The following NKAIN3 variants were observed in gnomAD, a reference collection of about 807,000 sequenced individuals.
NKAIN3 encodes sodium/potassium transporting ATPase interacting 3, also known as sodium/potassium-transporting ATPase subunit beta-1-interacting protein 3.
In NKAIN3, 25 loss-of-function variants were observed where a neutral mutation model predicts 30.2. The observed-to-expected ratio is 0.83, with a 90% CI of 0.60 to 1.16. The LOEUF is 1.16. NKAIN3 is among the 50% of genes most tolerant of loss of function. The probability of loss-of-function intolerance (pLI) is 0.00; values close to 1 mark genes in which losing one functional copy is unlikely to be tolerated. For missense variants in NKAIN3, 225 were observed against 254.1 expected (o/e 0.89, Z 0.78); for synonymous variants, 91 against 89.6 (o/e 1.02, Z -0.09).
At chr8:62,383,865 C>T (rs1219222796) in intron 1 of NKAIN3, among the ~76,000 whole-genome samples, 2 of 146,378 alleles carry the variant, frequency 1.4e-5, no homozygotes. Context: ...GCTACAGTGA[C>T]AATTTCATGA....
In NKAIN3 at chr8:62,981,152, G is replaced by C. The variant is rs1223440432; in HGVS notation, c.*15745G>C. ...CTTTCCTCATTTGTTCAGTGCTCAT[G>C]GCCATCTACAACCTTCCTTGATTCT... On this transcript the variant is annotated 3_prime_UTR_variant, in exon 7 of 7. Coordinates refer to ENST00000623646, the MANE Select transcript of NKAIN3 (RefSeq NM_001304533.3). 6.6e-6 allele frequency: 1 copy of C among 152,116 alleles called. No individual in the cohort carries two copies. Among genetic ancestry groups the C allele is most frequent in the Non-Finnish European group, 1.5e-5 (1 of 68,020 alleles). The allele number at this position is 152,116 out of a possible 1,614,324, so 9.4% of individuals were successfully genotyped here.
chr8:62,519,211 A>T (rs1432942628), intron 1 of NKAIN3, among the ~76,000 whole-genome samples: 1 of 152,150 alleles, frequency 6.6e-6, no homozygotes, highest in Non-Finnish European at 1.5e-5. Flanking sequence ...CTTGTATTTC[A>T]AAAGGTCAAG....
intron 1 of NKAIN3, among the ~76,000 whole-genome samples, chr8:62,480,230 A>G (rs1806669726): frequency 6.6e-6 from 1 of 152,068 alleles, no homozygotes; most frequent in African/African-American, 2.4e-5. Flanking sequence ...TTTAGCTGCC[A>G]CATACACCTG....
At chr8:62,583,056 G>T (rs1256495103) in intron 2 of NKAIN3, among the ~76,000 whole-genome samples, 3 of 152,168 alleles carry the variant, frequency 2.0e-5, no homozygotes, top group African/African-American at 7.2e-5. Context: ...ATCACTCTCT[G>T]CTCCTTCACC....
chr8:62,601,239 T>G (rs1194075213), intron 3 of NKAIN3, among the ~76,000 whole-genome samples: 3 of 152,058 alleles, frequency 2.0e-5, no homozygotes, highest in Non-Finnish European at 4.4e-5. Flanking sequence ...TCTAGTAAAG[T>G]TTTTAAGTCA....
chr8:62,452,468 T>A (rs62511483), intron 1 of NKAIN3, among the ~76,000 whole-genome samples: 20 of 151,818 alleles, frequency 1.3e-4, no homozygotes, highest in Non-Finnish European at 2.5e-4. Context: ...AGAGTGAGAC[T>A]CTGTCTCAAA....
At chr8:62,902,556 A>T (rs146974719) in intron 4 of NKAIN3, among the ~76,000 whole-genome samples, 212 of 152,278 alleles carry the variant, frequency 1.4e-3, no homozygotes, top group African/African-American at 4.9e-3. Context: ...ACTCAACCCA[A>T]CCCAAGACCT....
intron 3 of NKAIN3, among the ~76,000 whole-genome samples, chr8:62,598,721 C>A (rs1810908210): frequency 6.6e-6 from 1 of 151,988 alleles, no homozygotes; most frequent in Admixed American, 6.6e-5. Context: ...AGAAGGGACA[C>A]TGTGTTGGAG....
At chr8:62,469,720 C>A (rs1260478033) in intron 1 of NKAIN3, among the ~76,000 whole-genome samples, 1 of 152,102 alleles carries the variant, frequency 6.6e-6, no homozygotes, top group Non-Finnish European at 1.5e-5. Context: ...AGGAAAGAAA[C>A]CTTCATCACC....
At position 62,689,708 on chromosome 8, in the gene NKAIN3, G is replaced by A. The variant is rs141057971; in HGVS notation, c.274-57224G>A. On this transcript the variant is annotated intron_variant, in intron 3 of 6. Coordinates refer to ENST00000623646, the MANE Select transcript of NKAIN3 (RefSeq NM_001304533.3). The stretch of plus-strand genomic sequence containing the variant: ...TGTTCAGAAAATCCTACTTAGCCCA[G>A]AATTCCTATCCCCTTATCTGAATTT... Among the ~76,000 whole-genome samples the A allele has an allele frequency of 7.4e-3, 1,132 of 152,092 alleles. 24 individuals carry two copies. The highest frequency in any genetic ancestry group is 0.026 in the African/African-American group (1,085 of 41,482).
intron 4 of NKAIN3, among the ~76,000 whole-genome samples, chr8:62,813,764 C>T (rs914324366): frequency 2.0e-5 from 3 of 151,864 alleles, no homozygotes; most frequent in Admixed American, 6.6e-5. Flanking sequence ...TAACTGGGCA[C>T]GTTTTCATGA....
At position 62,844,925 on chromosome 8, in the gene NKAIN3, T is replaced by A. The variant is rs114670595; in HGVS notation, c.472-73528T>A. ...CCCATTACCCAACAAGGAAATACTG[T>A]CTACGAAGGGGCCCCTAGTGCTCTG... On this transcript the variant is annotated intron_variant, in intron 4 of 6. Coordinates refer to ENST00000623646, the MANE Select transcript of NKAIN3 (RefSeq NM_001304533.3). 1.1e-3 allele frequency among the ~76,000 whole-genome samples: 171 copies of A among 152,068 alleles called. 1 individual carries two copies. Among genetic ancestry groups the A allele is most frequent in the African/African-American group, 4.0e-3 (164 of 41,512 alleles).
At chr8:62,670,619 C>T (rs183653428) in intron 3 of NKAIN3, among the ~76,000 whole-genome samples, 1,220 of 57,196 alleles carry the variant, frequency 0.021, 10 homozygotes, top group Non-Finnish European at 0.026. Context: ...TTGTATATGG[C>T]CTTTTCACCA....
chr8:62,341,763 C>G (rs888133262), intron 1 of NKAIN3, among the ~76,000 whole-genome samples: 11 of 151,812 alleles, frequency 7.2e-5, no homozygotes, highest in Non-Finnish European at 1.5e-5. Context: ...GAATAATTGG[C>G]AGGCTTTCTT....
At chr8:62,323,911 G>A (rs1815026436) in intron 1 of NKAIN3, among the ~76,000 whole-genome samples, 1 of 151,952 alleles carries the variant, frequency 6.6e-6, no homozygotes, top group Non-Finnish European at 1.5e-5. Flanking sequence ...GACAAATTAG[G>A]GGCACAATAA....
At chr8:62,877,516 A>G (rs1398314922) in intron 4 of NKAIN3, among the ~76,000 whole-genome samples, 1 of 152,168 alleles carries the variant, frequency 6.6e-6, no homozygotes, top group Non-Finnish European at 1.5e-5. Flanking sequence ...CCTGCCAGAT[A>G]ATGACTTGGA....
intron 4 of NKAIN3, among the ~76,000 whole-genome samples, chr8:62,903,116 C>T (rs1821661981): frequency 6.6e-6 from 1 of 152,154 alleles, no homozygotes; most frequent in Non-Finnish European, 1.5e-5. Context: ...GGCAGTAAAT[C>T]CCCAGAGCTT....
chr8:62,814,719 C>A (rs1818619766), intron 4 of NKAIN3, among the ~76,000 whole-genome samples: 1 of 151,928 alleles, frequency 6.6e-6, no homozygotes, highest in Admixed American at 6.6e-5. Flanking sequence ...ATCTCTGGGA[C>A]ACATTCAAAG....
At chr8:62,347,672 G>A (rs1169722027) in intron 1 of NKAIN3, among the ~76,000 whole-genome samples, 2 of 152,084 alleles carry the variant, frequency 1.3e-5, no homozygotes, top group Admixed American at 1.3e-4. Context: ...GCCAGACAAA[G>A]TGTAGGATGG....
Sources: allele counts gnomAD v4.1 joint callset (sites outside exome capture counted in the v4.1 genomes callset), GRCh38; gene constraint gnomAD v4.1.1; transcripts MANE v1.5; gene names NCBI Gene and HGNC (gene_info 2026-07-23, HGNC 2026-07-21).